Variants in LHPP observed in about 807,000 individuals in gnomAD.
LHPP encodes the protein phospholysine phosphohistidine inorganic pyrophosphate phosphatase.
LHPP carries 24 observed loss-of-function variants against 30.3 expected under a neutral mutation model. That is an observed-to-expected ratio of 0.79 (90% CI 0.57 to 1.11). The LOEUF (loss-of-function observed/expected upper bound fraction) is 1.11, where lower values mean the gene tolerates loss of function less well. Ranked by LOEUF, LHPP falls within the 50% of genes most tolerant of loss-of-function variation. LHPP has a pLI of 0.00. For missense variants in LHPP, 356 were observed against 367.2 expected, an observed-to-expected ratio of 0.97 and a Z score of 0.25; for synonymous variants, 150 against 157.1, an observed-to-expected ratio of 0.95 and a Z score of 0.34.
At position 124,541,234 on chromosome 10, in the gene LHPP, T is replaced by C. The variant is rs1955179514; in HGVS notation, c.716+23963T>C. ...GGGCCGCTGCCCCTGCACACTGTGC[T>C]TGGGGGACACAGCCGACACGACCAG... On this transcript the variant is annotated intron_variant, in intron 6 of 6. Transcript: ENST00000368842. This position sits in a 1 kb window ranked among gnomAD's most constrained non-coding sequence, Gnocchi z 4.2. Among the ~76,000 whole-genome samples, 1 of 152,136 alleles carries C rather than the reference T, an allele frequency of 6.6e-6. No individual in the cohort carries two copies. Among genetic ancestry groups the C allele is most frequent in the African/African-American group, 2.4e-5 (1 of 41,412 alleles).
intron 6 of LHPP, among the ~76,000 whole-genome samples, chr10:124,553,286 G>A (rs754475814): frequency 1.3e-5 from 2 of 152,150 alleles, no homozygotes; most frequent in Non-Finnish European, 2.9e-5. Context: ...TCCATATGCT[G>A]AGCTGGGACA....
At chr10:124,495,808 C>A (rs1324070887) in intron 3 of LHPP, among the ~76,000 whole-genome samples, 1 of 152,178 alleles carries the variant, frequency 6.6e-6, no homozygotes, top group Non-Finnish European at 1.5e-5. Flanking sequence ...ATGGAAGGTA[C>A]CGAGTTAATA....
At chr10:124,585,416 A>C (rs1465113597) in intron 6 of LHPP, among the ~76,000 whole-genome samples, 8 of 151,858 alleles carry the variant, frequency 5.3e-5, no homozygotes, top group Admixed American at 5.2e-4. Flanking sequence ...GGAGTTTGAG[A>C]CCAGCCTGGG....
At chr10:124,473,028 T>G (rs1168995122) in intron 1 of LHPP, among the ~76,000 whole-genome samples, 1 of 149,980 alleles carries the variant, frequency 6.7e-6, no homozygotes, top group Non-Finnish European at 1.5e-5. Context: ...TAAGGTCTGC[T>G]TCTCAGTTTC....
chr10:124,598,816 T>C (rs998704893), intron 6 of LHPP, among the ~76,000 whole-genome samples: 7 of 149,322 alleles, frequency 4.7e-5, no homozygotes, highest in Non-Finnish European at 8.9e-5. Flanking sequence ...TCTCTGTCCA[T>C]CCCCATCCAT....
At chr10:124,547,760 G>T (rs1955389907) in intron 6 of LHPP, among the ~76,000 whole-genome samples, 1 of 152,252 alleles carries the variant, frequency 6.6e-6, no homozygotes, top group South Asian at 2.1e-4. Flanking sequence ...GGGCGTCCTG[G>T]GCCCTGGCAG....
chr10:124,467,986 A>G (rs888493795), intron 1 of LHPP, among the ~76,000 whole-genome samples: 19 of 152,206 alleles, frequency 1.2e-4, no homozygotes, highest in African/African-American at 3.6e-4. Flanking sequence ...CTGGGATTAC[A>G]GGCATGAGCC....
intron 6 of LHPP, among the ~76,000 whole-genome samples, chr10:124,595,246 C>T (rs755979255): frequency 2.0e-5 from 3 of 152,260 alleles, no homozygotes; most frequent in East Asian, 1.9e-4. Context: ...CTTCCCCACC[C>T]GCTGCAACCT....
chr10:124,463,435 T>G (rs868362167), intron 1 of LHPP, among the ~76,000 whole-genome samples: 1 of 151,724 alleles, frequency 6.6e-6, no homozygotes, highest in Admixed American at 6.6e-5. Context: ...CCATCTGGGC[T>G]CACTGCAACC....
intron 6 of LHPP, among the ~76,000 whole-genome samples, chr10:124,602,391 C>A (rs1290537310): frequency 6.6e-6 from 1 of 152,266 alleles, no homozygotes; most frequent in East Asian, 1.9e-4. Context: ...CGCTGATGTC[C>A]TGGAGGCCAC....
chr10:124,600,635 G>T (rs1317332514), intron 6 of LHPP, among the ~76,000 whole-genome samples: 1 of 152,228 alleles, frequency 6.6e-6, no homozygotes, highest in Non-Finnish European at 1.5e-5. Context: ...GTGCTGGATG[G>T]AGCTGGACTC....
At chr10:124,505,084 C>A (rs1954026405) in intron 5 of LHPP, among the ~76,000 whole-genome samples, 1 of 152,144 alleles carries the variant, frequency 6.6e-6, no homozygotes, top group African/African-American at 2.4e-5. Flanking sequence ...ATCATCCTCT[C>A]CTACCCTCAT....
intron 5 of LHPP, among the ~76,000 whole-genome samples, chr10:124,508,476 C>T (rs193296619): frequency 5.3e-5 from 8 of 152,290 alleles, no homozygotes; most frequent in East Asian, 1.9e-4. Flanking sequence ...CTGAAACTGA[C>T]GGGAGTTGCA....
intron 5 of LHPP, chr10:124,498,660 CTTTTT>C (rs552228070): frequency 0.012 from 4,318 of 349,880 alleles, no homozygotes; most frequent in Non-Finnish European, 0.015. Flanking sequence ...TTTTCTTTTT[CTTTTT>C]TTTTTTTTTT....
At chr10:124,540,175 C>T (rs941201257) in intron 6 of LHPP, among the ~76,000 whole-genome samples, 19 of 152,310 alleles carry the variant, frequency 1.2e-4, no homozygotes, top group South Asian at 4.1e-4. Flanking sequence ...CTGTGCGCTT[C>T]GGTGGAGATG....
intron 6 of LHPP, among the ~76,000 whole-genome samples, chr10:124,520,027 G>A (rs1373094778): frequency 5.9e-5 from 9 of 151,878 alleles, no homozygotes; most frequent in South Asian, 2.1e-4. Flanking sequence ...TAGAGACGGC[G>A]TTTCACCATG....
chr10:124,573,015 T>C (rs1948610273), intron 6 of LHPP, among the ~76,000 whole-genome samples: 1 of 152,226 alleles, frequency 6.6e-6, no homozygotes, highest in African/African-American at 2.4e-5. Flanking sequence ...AACTGCGTGG[T>C]GTGGGTAACG....
rs1954647560 is a variant in LHPP, at chr10:124,523,042, C to G, written c.716+5771C>G. On this transcript the variant is annotated intron_variant, in intron 6 of 6. Coordinates refer to ENST00000368842, the MANE Select transcript of LHPP (RefSeq NM_022126.4). This position sits in a 1 kb window ranked among gnomAD's most constrained non-coding sequence, Gnocchi z 4.2. Reference sequence around the variant, plus strand: ...TCTGTTCGCTGTTCCACGCCACACCCTGCAGCCACCACCCAGTCAAAGGCG... The same window carrying G: ...TCTGTTCGCTGTTCCACGCCACACCGTGCAGCCACCACCCAGTCAAAGGCG... Among the ~76,000 whole-genome samples, 1 of 152,204 alleles carries G rather than the reference C, an allele frequency of 6.6e-6. No homozygotes were observed. The highest frequency in any genetic ancestry group is 2.4e-5 in the African/African-American group (1 of 41,460).
chr10:124,488,414 C>G lies in LHPP; in HGVS notation c.314-8C>G, dbSNP rs768279545. Reference sequence around the variant, plus strand: ...TCCGTGGCACTCTGTCTCTCTCTCTCTTTCCAGGAGTCCGCTCAGAATTTG... The same window carrying G: ...TCCGTGGCACTCTGTCTCTCTCTCTGTTTCCAGGAGTCCGCTCAGAATTTG... On this transcript the variant is annotated splice_polypyrimidine_tract_variant and splice_region_variant and intron_variant, in intron 2 of 6. Coordinates refer to ENST00000368842, the MANE Select transcript of LHPP (RefSeq NM_022126.4). 1 of 1,613,692 alleles carries G rather than the reference C, an allele frequency of 6.2e-7. No individual in the cohort carries two copies. The highest frequency in any genetic ancestry group is 1.1e-5 in the South Asian group (1 of 90,998).
Sources: allele counts gnomAD v4.1 joint callset (sites outside exome capture counted in the v4.1 genomes callset), GRCh38; gene constraint gnomAD v4.1.1; non-coding constraint Gnocchi (gnomAD v3.1); transcripts MANE v1.5; gene names NCBI Gene and HGNC (gene_info 2026-07-23, HGNC 2026-07-21).